Variants in QTMAN observed in about 807,000 individuals in gnomAD.
QTMAN encodes the protein tRNA-queuosine alpha-mannosyltransferase.
At chr2:144,220,469 C>T in the QTMAN span, among the ~76,000 whole-genome samples, 9 of 152,174 alleles carry the variant, frequency 5.9e-5, no homozygotes, top group Admixed American at 5.9e-4. Context: ...CCTTGCCTAT[C>T]TCTTTATCAA....
At chr2:143,972,182 C>T in the QTMAN span, among the ~76,000 whole-genome samples, 2 of 152,130 alleles carry the variant, frequency 1.3e-5, no homozygotes, top group Admixed American at 1.3e-4. Context: ...AGACTCAAAA[C>T]AGTTTGAAAG....
chr2:144,208,241 G>A, the QTMAN span, among the ~76,000 whole-genome samples: 7 of 152,180 alleles, frequency 4.6e-5, no homozygotes, highest in African/African-American at 1.4e-4. Context: ...AGCCTTGGAC[G>A]TATCCACCTT....
chr2:144,287,224 CAGG>C, the QTMAN span, among the ~76,000 whole-genome samples: 1 of 152,128 alleles, frequency 6.6e-6, no homozygotes, highest in East Asian at 1.9e-4. Flanking sequence ...ATCACAAGGT[CAGG>C]AGATCAAGAC....
chr2:144,275,369 G>C, the QTMAN span, among the ~76,000 whole-genome samples: 1 of 150,330 alleles, frequency 6.7e-6, no homozygotes, highest in Non-Finnish European at 1.5e-5. Flanking sequence ...GGGCAACAGA[G>C]TGAGACTAGG....
At chr2:144,048,118 C>T in the QTMAN span, among the ~76,000 whole-genome samples, 2 of 152,308 alleles carry the variant, frequency 1.3e-5, no homozygotes, top group South Asian at 2.1e-4. Flanking sequence ...ACCAGATTAG[C>T]TGCTGAAAAG....
At chr2:144,204,204 C>T in the QTMAN span, among the ~76,000 whole-genome samples, 1 of 152,144 alleles carries the variant, frequency 6.6e-6, no homozygotes, top group African/African-American at 2.4e-5. Context: ...TCAGAGTGAA[C>T]AGGCAACCTA....
chr2:144,091,575 T>C, the QTMAN span, among the ~76,000 whole-genome samples: 12 of 152,202 alleles, frequency 7.9e-5, no homozygotes, highest in African/African-American at 2.7e-4. Flanking sequence ...TCTCATGTAC[T>C]GCAGGTGGGA....
the QTMAN span, among the ~76,000 whole-genome samples, chr2:144,164,411 A>G: frequency 6.6e-6 from 1 of 152,024 alleles, no homozygotes; most frequent in Non-Finnish European, 1.5e-5. Context: ...ATTATTATTA[A>G]ATTGTTTTGG....
chr2:143,991,764 G>A, the QTMAN span, among the ~76,000 whole-genome samples: 1,026 of 140,472 alleles, frequency 7.3e-3, 32 homozygotes, highest in Middle Eastern at 4.6e-3. Context: ...CCCGCCAGCC[G>A]CCCCGTCTGG....
the QTMAN span, among the ~76,000 whole-genome samples, chr2:144,054,324 A>C: frequency 6.6e-6 from 1 of 152,178 alleles, no homozygotes; most frequent in Admixed American, 6.5e-5. Flanking sequence ...AAATGATTAT[A>C]AAAAGAGAAC....
At chr2:144,114,745 G>C in the QTMAN span, among the ~76,000 whole-genome samples, 1 of 151,740 alleles carries the variant, frequency 6.6e-6, no homozygotes, top group Non-Finnish European at 1.5e-5. Context: ...TTAGATTTCA[G>C]CTTAAATATC....
At chr2:144,021,427 G>T in the QTMAN span, among the ~76,000 whole-genome samples, 1 of 152,162 alleles carries the variant, frequency 6.6e-6, no homozygotes. Flanking sequence ...GAAGATACTG[G>T]TGGATGTGCT....
chr2:144,326,331 T>C, the QTMAN span, among the ~76,000 whole-genome samples: 5 of 152,262 alleles, frequency 3.3e-5, no homozygotes, highest in South Asian at 1.0e-3. Context: ...CTCACGCCTG[T>C]AATCCCAGCA....
chr2:144,150,296 C>G, the QTMAN span, among the ~76,000 whole-genome samples: 296 of 152,084 alleles, frequency 1.9e-3, 9 homozygotes, highest in East Asian at 0.054. Context: ...TTACCTAAGC[C>G]TTGGTTCTTT....
the QTMAN span, among the ~76,000 whole-genome samples, chr2:144,046,072 T>C: frequency 2.0e-5 from 3 of 152,334 alleles, no homozygotes; most frequent in African/African-American, 4.8e-5. Flanking sequence ...GCCTGTCCTC[T>C]AGAGTTACAT....
the QTMAN span, among the ~76,000 whole-genome samples, chr2:144,263,644 A>T: frequency 2.6e-5 from 4 of 152,190 alleles, no homozygotes; most frequent in Non-Finnish European, 5.9e-5. Flanking sequence ...GAATTGTTTG[A>T]ACCAAGAGGA....
chr2:144,235,558 G>A, the QTMAN span: 1 of 152,492 alleles, frequency 6.6e-6, no homozygotes, highest in Non-Finnish European at 1.5e-5. Flanking sequence ...CTTCTCTTTA[G>A]AAATATCAAT....
At chr2:144,170,710 C>T in the QTMAN span, among the ~76,000 whole-genome samples, 586 of 152,138 alleles carry the variant, frequency 3.9e-3, 16 homozygotes, top group Admixed American at 0.032. Flanking sequence ...TGCCTCTCTG[C>T]TTGCGAGACA....
the QTMAN span, among the ~76,000 whole-genome samples, chr2:144,174,394 C>T: frequency 2.0e-5 from 3 of 152,140 alleles, no homozygotes; most frequent in Non-Finnish European, 4.4e-5. Flanking sequence ...AATCGATGTC[C>T]CTCATTGCTA....
Sources: allele counts gnomAD v4.1 joint callset (sites outside exome capture counted in the v4.1 genomes callset), GRCh38; gene constraint gnomAD v4.1.1; transcripts MANE v1.5; gene names NCBI Gene and HGNC (gene_info 2026-07-23, HGNC 2026-07-21).